Variants in RPSA2 observed in about 807,000 individuals in gnomAD.
RPSA2 encodes the protein ribosomal protein SA 2.
chr19:23,771,027 A>G, the RPSA2 span, among the ~76,000 whole-genome samples: 1 of 152,316 alleles, frequency 6.6e-6, no homozygotes, highest in African/African-American at 2.4e-5. Flanking sequence ...AAAATGAGTA[A>G]TATCCTGGGC....
chr19:23,847,924 G>A, the RPSA2 span, among the ~76,000 whole-genome samples: 1 of 152,310 alleles, frequency 6.6e-6, no homozygotes, highest in East Asian at 1.9e-4. Flanking sequence ...TCTGCAAGAA[G>A]AAAAATGTGG....
At chr19:23,860,024 A>C in the RPSA2 span, among the ~76,000 whole-genome samples, 1 of 152,240 alleles carries the variant, frequency 6.6e-6, no homozygotes, top group Admixed American at 6.5e-5. Context: ...ATTCTATCAA[A>C]GAGGGTACCA....
chr19:23,769,258 C>T, the RPSA2 span, among the ~76,000 whole-genome samples: 1 of 152,154 alleles, frequency 6.6e-6, no homozygotes, highest in Non-Finnish European at 1.5e-5. Context: ...GGGCCTAGCT[C>T]AAAGGTTATA....
the RPSA2 span, among the ~76,000 whole-genome samples, chr19:23,810,432 T>A: frequency 1.2e-4 from 2 of 16,094 alleles, 1 homozygote; most frequent in Non-Finnish European, 3.1e-4. Flanking sequence ...GGAAAAGGGC[T>A]TGGATAGTTG....
At chr19:23,804,352 G>A in the RPSA2 span, among the ~76,000 whole-genome samples, 2 of 147,212 alleles carry the variant, frequency 1.4e-5, no homozygotes, top group South Asian at 2.2e-4. Flanking sequence ...GCTGGAGTGC[G>A]GTGGCGCCAT....
At chr19:23,788,350 CCT>C in the RPSA2 span, among the ~76,000 whole-genome samples, 1 of 152,152 alleles carries the variant, frequency 6.6e-6, no homozygotes, top group African/African-American at 2.4e-5. Context: ...CCTGGGTTGT[CCT>C]CTCAGGGCAT....
chr19:23,868,422 T>C, the RPSA2 span, among the ~76,000 whole-genome samples: 2 of 152,166 alleles, frequency 1.3e-5, no homozygotes, highest in East Asian at 3.9e-4. Context: ...TTTCAAACTT[T>C]CCTACAGCTT....
chr19:23,842,854 C>T, the RPSA2 span, among the ~76,000 whole-genome samples: 2 of 152,006 alleles, frequency 1.3e-5, no homozygotes, highest in East Asian at 1.9e-4. Flanking sequence ...TAACAGGAAC[C>T]ATCCCCTTTT....
At chr19:23,821,294 C>T in the RPSA2 span, among the ~76,000 whole-genome samples, 1 of 152,220 alleles carries the variant, frequency 6.6e-6, no homozygotes, top group African/African-American at 2.4e-5. Flanking sequence ...TGGAGTCCAA[C>T]TGCCTGGATA....
chr19:23,762,599 C>T, the RPSA2 span, among the ~76,000 whole-genome samples: 1 of 147,670 alleles, frequency 6.8e-6, no homozygotes, highest in African/African-American at 2.5e-5. Flanking sequence ...TCATTTGAAC[C>T]TGGGAGGAGG....
the RPSA2 span, among the ~76,000 whole-genome samples, chr19:23,768,937 A>G: frequency 1.3e-5 from 2 of 152,172 alleles, no homozygotes; most frequent in East Asian, 3.9e-4. Context: ...ACGTTGCCCA[A>G]AAAGAGATTG....
chr19:23,869,554 C>T, the RPSA2 span, among the ~76,000 whole-genome samples: 3 of 152,100 alleles, frequency 2.0e-5, no homozygotes, highest in African/African-American at 7.2e-5. Flanking sequence ...AACTAAAGGT[C>T]AACTAGATGG....
At chr19:23,870,525 C>CA in the RPSA2 span, among the ~76,000 whole-genome samples, 148,491 of 151,852 alleles carry the variant, frequency 0.98, 72,697 homozygotes, top group Middle Eastern at 1. Flanking sequence ...TGGTGAATTA[C>CA]AAAAAAAAGT....
the RPSA2 span, among the ~76,000 whole-genome samples, chr19:23,839,371 G>A: frequency 6.6e-6 from 1 of 151,998 alleles, no homozygotes; most frequent in Non-Finnish European, 1.5e-5. Flanking sequence ...TTCATTCAGG[G>A]TGTCAGGGAC....
chr19:23,826,471 G>A, the RPSA2 span, among the ~76,000 whole-genome samples: 2 of 152,072 alleles, frequency 1.3e-5, no homozygotes, highest in African/African-American at 2.4e-5. Context: ...GGGATTACAG[G>A]TATGGGCCAC....
At chr19:23,835,597 T>A in the RPSA2 span, among the ~76,000 whole-genome samples, 1 of 104,268 alleles carries the variant, frequency 9.6e-6, no homozygotes, top group Non-Finnish European at 1.9e-5. Flanking sequence ...GTAATATTCT[T>A]TTTTTGTTTG....
chr19:23,792,591 G>GTTTTTTTTTTTTTTTTTTTTGT, the RPSA2 span, among the ~76,000 whole-genome samples: 1 of 144,242 alleles, frequency 6.9e-6, no homozygotes, highest in Non-Finnish European at 1.5e-5. Context: ...TTTTGTTTTT[G>GTTTTTTTTTTTTTTTTTTTTGT]TTTTTTTTTT....
At chr19:23,848,584 T>C in the RPSA2 span, among the ~76,000 whole-genome samples, 2 of 152,208 alleles carry the variant, frequency 1.3e-5, no homozygotes, top group East Asian at 1.9e-4. Context: ...CAAGGATAAA[T>C]TATCTTCCCT....
chr19:23,847,000 GTTTAGTCAC>G, the RPSA2 span, among the ~76,000 whole-genome samples: 1 of 151,900 alleles, frequency 6.6e-6, no homozygotes, highest in Non-Finnish European at 1.5e-5. Context: ...GATAATTTTT[GTTTAGTCAC>G]TTTATGTAGT....
Sources: allele counts gnomAD v4.1 joint callset (sites outside exome capture counted in the v4.1 genomes callset), GRCh38; gene constraint gnomAD v4.1.1; transcripts MANE v1.5; gene names NCBI Gene and HGNC (gene_info 2026-07-23, HGNC 2026-07-21).